Variants in DACH2 observed in about 807,000 individuals in gnomAD.
The protein encoded by DACH2 is dachshund family transcription factor 2.
A neutral mutation model predicts 35.8 loss-of-function variants in DACH2; 17 were observed. The observed-to-expected ratio is 0.48, with a 90% CI of 0.33 to 0.71. The LOEUF (loss-of-function observed/expected upper bound fraction) is 0.71. DACH2 is among the 30% of genes least tolerant of loss of function. DACH2 has a pLI of 0.02. For synonymous variants in DACH2, 195 were observed against 177.3 expected (o/e 1.10, Z -0.79); for missense variants, 469 against 472.7 (o/e 0.99, Z 0.07).
At chrX:86,615,549 G>T (rs1046012365) in intron 3 of DACH2, among the ~76,000 whole-genome samples, 3 of 110,991 alleles carry the variant, frequency 2.7e-5, no homozygotes, top group Non-Finnish European at 5.7e-5. Flanking sequence ...ATTTTCCTGA[G>T]CTGCCTTACT....
intron 4 of DACH2, among the ~76,000 whole-genome samples, chrX:86,661,110 T>C (rs1172537566): frequency 8.9e-6 from 1 of 111,865 alleles, no homozygotes; most frequent in Non-Finnish European, 1.9e-5. Flanking sequence ...GTTTGGACGT[T>C]CTGTAGTGTC....
chrX:86,698,519 G>GTTTTTT lies in DACH2; in HGVS notation c.931+3341_931+3342insTTTTTT, dbSNP rs1378300889. Among the ~76,000 whole-genome samples, 72 of 32,069 alleles carry GTTTTTT rather than the reference G, an allele frequency of 2.2e-3. 2 individuals are homozygous for GTTTTTT. Among genetic ancestry groups the GTTTTTT allele is most frequent in the South Asian group, 5.5e-3 (4 of 727 alleles). 27.8% of individuals were successfully genotyped at this position (32,069 alleles called of 115,157 possible). ...TTCTTCTTTTTGTTTTGTTAGTTTT[G>GTTTTTT]TGTTTTTTTTTTTTTTTTTTTTTTT... is the stretch of plus-strand genomic sequence containing the variant. On this transcript the variant is annotated intron_variant, in intron 5 of 11. Transcript: ENST00000373125.
chrX:86,712,948 C>T (rs994799795), intron 5 of DACH2, among the ~76,000 whole-genome samples: 1 of 111,386 alleles, frequency 9.0e-6, no homozygotes, highest in Non-Finnish European at 1.9e-5. Context: ...TTATGTAATT[C>T]TGATAACACT....
At chrX:86,628,583 T>A (rs189820732) in intron 3 of DACH2, among the ~76,000 whole-genome samples, 1 of 112,773 alleles carries the variant, frequency 8.9e-6, no homozygotes, top group African/African-American at 3.2e-5. Flanking sequence ...TTAGACCAAT[T>A]AACATTTCTG....
At chrX:86,645,935 G>T (rs1336098762) in intron 3 of DACH2, among the ~76,000 whole-genome samples, 4 of 110,622 alleles carry the variant, frequency 3.6e-5, no homozygotes, top group African/African-American at 1.3e-4. Context: ...GAGCAAAAAA[G>T]ATAACTATTG....
chrX:86,156,377 CTCT>C (rs1366775912), intron 1 of DACH2, among the ~76,000 whole-genome samples: 1 of 111,095 alleles, frequency 9.0e-6, no homozygotes, highest in African/African-American at 3.2e-5. Context: ...ACGTTTATTC[CTCT>C]TATTAGAATT....
At chrX:86,533,793 T>C (rs2038758719) in intron 3 of DACH2, among the ~76,000 whole-genome samples, 1 of 111,788 alleles carries the variant, frequency 8.9e-6, no homozygotes, top group Admixed American at 9.5e-5. Context: ...ACAAATTCTT[T>C]GGTGCCATTA....
At chrX:86,624,069 A>C (rs1017858524) in intron 3 of DACH2, among the ~76,000 whole-genome samples, 2 of 106,037 alleles carry the variant, frequency 1.9e-5, no homozygotes, top group Admixed American at 1.0e-4. Flanking sequence ...ACAAAAAAAA[A>C]AAAAAAAAAA....
intron 4 of DACH2, among the ~76,000 whole-genome samples, chrX:86,663,127 G>A (rs1355999697): frequency 9.0e-6 from 1 of 111,068 alleles, no homozygotes; most frequent in East Asian, 2.8e-4. Flanking sequence ...TCAAGAAACC[G>A]CTATTAAGAC....
chrX:86,337,414 G>C (rs971350540), intron 1 of DACH2, among the ~76,000 whole-genome samples: 1 of 111,965 alleles, frequency 8.9e-6, no homozygotes, highest in Admixed American at 9.5e-5. Flanking sequence ...GAGAGTGGGG[G>C]CCAATATTCA....
intron 1 of DACH2, among the ~76,000 whole-genome samples, chrX:86,277,436 C>T (rs1382258660): frequency 2.7e-5 from 3 of 111,975 alleles, no homozygotes; most frequent in Non-Finnish European, 5.6e-5. Context: ...TTATGTTATA[C>T]ATCATTTTAA....
intron 7 of DACH2, among the ~76,000 whole-genome samples, chrX:86,777,298 A>G (rs1284494605): frequency 9.0e-6 from 1 of 110,903 alleles, no homozygotes; most frequent in Non-Finnish European, 1.9e-5. Context: ...GTGAGATGGT[A>G]TCTCATGGTG....
At chrX:86,753,790 A>G (rs1242419855) in intron 7 of DACH2, among the ~76,000 whole-genome samples, 2 of 110,957 alleles carry the variant, frequency 1.8e-5, no homozygotes, top group Non-Finnish European at 3.8e-5. Flanking sequence ...TGTTTATGAT[A>G]AGAGAGCGCT....
chrX:86,469,612 G>C (rs2037730120), intron 2 of DACH2, among the ~76,000 whole-genome samples: 1 of 110,978 alleles, frequency 9.0e-6, no homozygotes, highest in Non-Finnish European at 1.9e-5. Flanking sequence ...ATAAGTATTA[G>C]TAGTTACATG....
intron 2 of DACH2, among the ~76,000 whole-genome samples, chrX:86,451,647 C>A: frequency 9.0e-6 from 1 of 111,210 alleles, no homozygotes; most frequent in Non-Finnish European, 1.9e-5. Flanking sequence ...TTACTTTGGG[C>A]AGTTTGGCCA....
Position 86,179,857 on chromosome X carries a change from CTT to C in DACH2, c.488+30751_488+30752del, listed in dbSNP as rs753988977. Among the ~76,000 whole-genome samples the C allele has an allele frequency of 2.7e-5, 3 of 109,724 alleles. No individual in the cohort carries two copies. The South Asian group carries it at 1.2e-3, about 43-fold the overall frequency. ...AAAGATTGCTTAACGAAAAGCAGTC[CTT>C]TCTTTTTTCCTGAGAAATTAATCAG... On this transcript the variant is annotated intron_variant, in intron 1 of 11. Transcript: ENST00000373125.
chrX:86,592,477 T>C (rs1050059033), intron 3 of DACH2, among the ~76,000 whole-genome samples: 1 of 112,114 alleles, frequency 8.9e-6, no homozygotes, highest in Non-Finnish European at 1.9e-5. Flanking sequence ...ACTTTGCTTT[T>C]TTCTTTCAGT....
chrX:86,690,476 C>CT (rs1453548484), intron 4 of DACH2, among the ~76,000 whole-genome samples: 2 of 111,428 alleles, frequency 1.8e-5, no homozygotes, highest in African/African-American at 3.3e-5. Flanking sequence ...TAAAAAGGTC[C>CT]TTTTTTTGTC....
At chrX:86,244,674 A>T (rs2033240983) in intron 1 of DACH2, among the ~76,000 whole-genome samples, 1 of 111,935 alleles carries the variant, frequency 8.9e-6, no homozygotes, top group Admixed American at 9.5e-5. Flanking sequence ...CATGCAACTC[A>T]CTTAACTTCT....
Sources: allele counts gnomAD v4.1 joint callset (sites outside exome capture counted in the v4.1 genomes callset), GRCh38; gene constraint gnomAD v4.1.1; transcripts MANE v1.5; gene names NCBI Gene and HGNC (gene_info 2026-07-23, HGNC 2026-07-21).